Variants in GPC6 observed in about 807,000 individuals in gnomAD.
GPC6 encodes glypican-6.
GPC6 carries 14 observed loss-of-function variants against 55.2 expected under a neutral mutation model. That is an observed-to-expected ratio of 0.25 (90% CI 0.17 to 0.40). The LOEUF is 0.40. Ranked by LOEUF, GPC6 falls within the 10% of genes least tolerant of loss-of-function variation. The probability of loss-of-function intolerance (pLI) is 1.00; values close to 1 mark genes in which losing one functional copy is unlikely to be tolerated. For synonymous variants in GPC6, 278 were observed against 259.6 expected (o/e 1.07, Z -0.68); for missense variants, 641 against 708.5 (o/e 0.90, Z 1.08).
At chr13:94,061,952 G>A (rs1397358079) in intron 4 of GPC6, among the ~76,000 whole-genome samples, 1 of 152,064 alleles carries the variant, frequency 6.6e-6, no homozygotes, top group Non-Finnish European at 1.5e-5. Flanking sequence ...ATGATGCTGG[G>A]TACTGGCAAA....
chr13:94,392,415 A>ATTTTTTTTT, intron 7 of GPC6, among the ~76,000 whole-genome samples: 1 of 105,682 alleles, frequency 9.5e-6, no homozygotes, highest in Non-Finnish European at 1.9e-5. Flanking sequence ...TCTATTTTTA[A>ATTTTTTTTT]TTTTTTTTTT....
rs1875834771 is a variant in GPC6 at position 93,227,508 on chromosome 13, T to C, written c.52T>C (p.Ser18Pro). Residue 18 changes from serine (S) to proline (P), a missense_variant, in exon 1 of 9, where the codon TCC becomes CCC. Ser to Pro is a moderately conservative substitution (Grantham distance 74). Coordinates refer to ENST00000377047, the MANE Select transcript of GPC6 (RefSeq NM_005708.5). The surrounding 1 kb of genome is among the most constrained non-coding windows in gnomAD (Gnocchi z 4.3). ...VILPLLGLLLSLPAGADVKAR... is the reference protein window; with the variant it reads ...VILPLLGLLLPLPAGADVKAR... ...TCTTCCCCTCTTGGGGCTGCTGCTCTCCCTCCCCGCCGGGGCGGATGTGAA... is the reference window on the plus strand; with the variant it reads ...TCTTCCCCTCTTGGGGCTGCTGCTCCCCCTCCCCGCCGGGGCGGATGTGAA... The C allele has an allele frequency of 1.9e-6, 3 of 1,613,734 alleles. No homozygotes were observed. The South Asian group carries it at 3.3e-5, about 18-fold the overall frequency.
At chr13:93,710,960 A>T (rs1257720802) in intron 2 of GPC6, among the ~76,000 whole-genome samples, 1 of 151,846 alleles carries the variant, frequency 6.6e-6, no homozygotes, top group Non-Finnish European at 1.5e-5. Context: ...TTATTAGAAG[A>T]CTGAAAGCAT....
intron 1 of GPC6, among the ~76,000 whole-genome samples, chr13:93,380,800 AT>A (rs1875132373): frequency 6.6e-6 from 1 of 152,008 alleles, no homozygotes; most frequent in Non-Finnish European, 1.5e-5. Context: ...TTTCTTACTC[AT>A]TGTCTTAGAT....
At chr13:94,028,449 G>A (rs1266735829) in intron 4 of GPC6, among the ~76,000 whole-genome samples, 3 of 151,608 alleles carry the variant, frequency 2.0e-5, no homozygotes. Context: ...GAAAACAAAA[G>A]TAATCTTGTT....
intron 2 of GPC6, among the ~76,000 whole-genome samples, chr13:93,656,801 C>T (rs961504165): frequency 9.9e-5 from 15 of 152,022 alleles, no homozygotes; most frequent in African/African-American, 3.1e-4. Flanking sequence ...CATTTCTATA[C>T]ACCAATAACA....
intron 3 of GPC6, among the ~76,000 whole-genome samples, chr13:93,978,591 A>G (rs1880629875): frequency 6.6e-6 from 1 of 152,162 alleles, no homozygotes; most frequent in African/African-American, 2.4e-5. Context: ...ATACACATAT[A>G]TACATACATA....
intron 2 of GPC6, among the ~76,000 whole-genome samples, chr13:93,690,533 T>C (rs1566488730): frequency 6.6e-6 from 1 of 152,024 alleles, no homozygotes; most frequent in Non-Finnish European, 1.5e-5. Context: ...TTTTTTTTAA[T>C]GTTTGCCATG....
chr13:94,247,731 G>T (rs144108213), intron 4 of GPC6, among the ~76,000 whole-genome samples: 3 of 152,110 alleles, frequency 2.0e-5, no homozygotes, highest in Non-Finnish European at 2.9e-5. Flanking sequence ...TCATTTTGAT[G>T]TGCTGTTGAA....
At chr13:94,035,854 T>C (rs1883315391) in intron 4 of GPC6, among the ~76,000 whole-genome samples, 1 of 152,026 alleles carries the variant, frequency 6.6e-6, no homozygotes, top group South Asian at 2.1e-4. Flanking sequence ...TTCATAGTTA[T>C]CTCAAAAGTA....
chr13:93,812,942 G>A (rs953161223), intron 2 of GPC6, among the ~76,000 whole-genome samples: 1 of 152,082 alleles, frequency 6.6e-6, no homozygotes, highest in Admixed American at 6.6e-5. Flanking sequence ...AATAAGGATT[G>A]TCACTAATTG....
At chr13:93,283,372 C>G (rs1376168496) in intron 1 of GPC6, among the ~76,000 whole-genome samples, 1 of 152,152 alleles carries the variant, frequency 6.6e-6, no homozygotes, top group Non-Finnish European at 1.5e-5. Context: ...AGGATGGCCT[C>G]AATTTTCTCA....
intron 2 of GPC6, among the ~76,000 whole-genome samples, chr13:93,657,312 C>A (rs1272376868): frequency 6.6e-6 from 1 of 152,046 alleles, no homozygotes; most frequent in Non-Finnish European, 1.5e-5. Flanking sequence ...CTATGAGCAT[C>A]TGTTCTTCAA....
At chr13:93,586,861 T>C (rs1004597969) in intron 2 of GPC6, among the ~76,000 whole-genome samples, 1 of 152,176 alleles carries the variant, frequency 6.6e-6, no homozygotes, top group Non-Finnish European at 1.5e-5. Context: ...CTAGTACTGG[T>C]TATTGGGGAT....
At chr13:93,363,369 G>A (rs918550782) in intron 1 of GPC6, among the ~76,000 whole-genome samples, 99 of 151,090 alleles carry the variant, frequency 6.6e-4, no homozygotes, top group African/African-American at 2.3e-3. Context: ...CCACCTATGA[G>A]TGAGAATATG....
At chr13:94,328,037 C>T (rs1877215969) in intron 6 of GPC6, among the ~76,000 whole-genome samples, 1 of 152,146 alleles carries the variant, frequency 6.6e-6, no homozygotes, top group Non-Finnish European at 1.5e-5. Context: ...AGATCGCCTA[C>T]AAAGCCAACA....
chr13:94,014,211 A>G (rs925277614), intron 3 of GPC6, among the ~76,000 whole-genome samples: 1 of 152,200 alleles, frequency 6.6e-6, no homozygotes, highest in Non-Finnish European at 1.5e-5. Context: ...TTCTGTGTGT[A>G]TGCATGGAAA....
At chr13:94,395,732 G>A (rs1880865667) in intron 7 of GPC6, among the ~76,000 whole-genome samples, 1 of 152,186 alleles carries the variant, frequency 6.6e-6, no homozygotes, top group Non-Finnish European at 1.5e-5. Context: ...TAGAGGAAAA[G>A]ATGTTTTTTG....
intron 3 of GPC6, among the ~76,000 whole-genome samples, chr13:93,850,224 A>G (rs1444070102): frequency 6.6e-6 from 1 of 152,008 alleles, no homozygotes; most frequent in South Asian, 2.1e-4. Flanking sequence ...TTCATTCAGC[A>G]GCATTTATTG....
Sources: gnomAD v4.1 joint callset for allele counts (sites outside exome capture counted in the v4.1 genomes callset) on GRCh38, gnomAD v4.1.1 for gene constraint, Gnocchi (gnomAD v3.1) non-coding constraint, MANE v1.5 for transcripts, NCBI Gene and HGNC (gene_info 2026-07-23, HGNC 2026-07-21) for gene names.